The following TRIO variants were observed in gnomAD, a reference collection of about 807,000 sequenced individuals.
TRIO encodes the protein triple functional domain protein.
Under a neutral mutation model 351.9 loss-of-function variants are expected in TRIO, and 58 were observed. The ratio of observed to expected loss-of-function variants is 0.16; its 90% CI spans 0.13 to 0.21. The LOEUF (loss-of-function observed/expected upper bound fraction) is 0.21. Among genes scored for constraint, TRIO ranks in the 10% least tolerant of loss-of-function variants. The pLI, the probability that TRIO is intolerant of heterozygous loss-of-function variation, is 1.00. For synonymous variants in TRIO, 1,758 were observed against 1,595.7 expected, an observed-to-expected ratio of 1.10 and a Z score of -2.42; for missense variants, 3,201 against 4,027.8, an observed-to-expected ratio of 0.79 and a Z score of 5.56.
intron 1 of TRIO, among the ~76,000 whole-genome samples, chr5:14,168,691 T>C (rs1204046389): frequency 1.3e-5 from 2 of 152,254 alleles, no homozygotes; most frequent in African/African-American, 4.8e-5. Context: ...ATTTGACTTC[T>C]TTGACTTGGT....
At chr5:14,173,219 G>A (rs770954827) in intron 1 of TRIO, among the ~76,000 whole-genome samples, 23 of 138,492 alleles carry the variant, frequency 1.7e-4, no homozygotes, top group South Asian at 1.4e-3. Flanking sequence ...TTTTTTTGGC[G>A]GGAGGGAGGA....
chr5:14,494,674 G>A (rs976822062), intron 49 of TRIO, among the ~76,000 whole-genome samples: 1 of 152,202 alleles, frequency 6.6e-6, no homozygotes, highest in Non-Finnish European at 1.5e-5. Flanking sequence ...CAAGGCGGGT[G>A]GATCACCTGA....
intron 11 of TRIO, among the ~76,000 whole-genome samples, chr5:14,339,600 T>C (rs1331855172): frequency 6.6e-6 from 1 of 152,140 alleles, no homozygotes; most frequent in Non-Finnish European, 1.5e-5. Flanking sequence ...TGTGTGCACG[T>C]CACGTAACCT....
chr5:14,430,969 C>T (rs554358255), intron 34 of TRIO, among the ~76,000 whole-genome samples: 1 of 152,340 alleles, frequency 6.6e-6, no homozygotes, highest in South Asian at 2.1e-4. Context: ...TCCTCGACTT[C>T]CCAAAGTGCT....
At chr5:14,192,746 A>G (rs896714278) in intron 1 of TRIO, among the ~76,000 whole-genome samples, 4 of 152,318 alleles carry the variant, frequency 2.6e-5, no homozygotes, top group African/African-American at 7.2e-5. Flanking sequence ...CTGGGTTGCT[A>G]TTGTATTAAA....
chr5:14,332,907 T>C (rs1741036034), intron 10 of TRIO, among the ~76,000 whole-genome samples: 2 of 152,220 alleles, frequency 1.3e-5, no homozygotes, highest in Non-Finnish European at 2.9e-5. Flanking sequence ...TCATTCAGAT[T>C]ATTCAGATCT....
chr5:14,351,682 C>G (rs950291771), intron 11 of TRIO, among the ~76,000 whole-genome samples: 8 of 152,316 alleles, frequency 5.3e-5, no homozygotes, highest in Admixed American at 2.6e-4. Context: ...TAGAGTGCTC[C>G]AAGAATTTCC....
chr5:14,369,660 A>G (rs1463815719), intron 18 of TRIO, 137 bp downstream of exon 18: 11 of 1,117,800 alleles, frequency 9.8e-6, no homozygotes, highest in African/African-American at 1.6e-5. Flanking sequence ...GCAGTGTCGC[A>G]TCAGTGAGAA....
At chr5:14,386,821 A>G (rs192180958) in intron 21 of TRIO, among the ~76,000 whole-genome samples, 24 of 151,970 alleles carry the variant, frequency 1.6e-4, no homozygotes, top group Admixed American at 1.4e-3. Flanking sequence ...TCAAACAGGG[A>G]AACAAAATTT....
chr5:14,226,706 T>C (rs908958875), intron 1 of TRIO, among the ~76,000 whole-genome samples: 6 of 152,270 alleles, frequency 3.9e-5, no homozygotes, highest in African/African-American at 7.2e-5. Context: ...TCTTCACTTA[T>C]GTGACTAACC....
chr5:14,341,923 GT>G, intron 11 of TRIO, among the ~76,000 whole-genome samples: 1 of 152,346 alleles, frequency 6.6e-6, no homozygotes, highest in Non-Finnish European at 1.5e-5. Context: ...ACTGGGACAA[GT>G]TTTTGTTTAG....
intron 1 of TRIO, among the ~76,000 whole-genome samples, chr5:14,182,862 A>ACCC (rs33945464): frequency 3.1e-4 from 19 of 61,692 alleles, no homozygotes; most frequent in East Asian, 1.0e-3. Context: ...TACAGTGGAG[A>ACCC]CCCCCCCCCC....
chr5:14,275,571 A>G (rs538721542), intron 2 of TRIO, among the ~76,000 whole-genome samples: 244 of 114,186 alleles, frequency 2.1e-3, no homozygotes, highest in Non-Finnish European at 4.2e-3. Flanking sequence ...CCCCTATAGG[A>G]AAACTTTTTT....
At chr5:14,251,794 A>C (rs1794761297) in intron 1 of TRIO, among the ~76,000 whole-genome samples, 1 of 152,182 alleles carries the variant, frequency 6.6e-6, no homozygotes, top group African/African-American at 2.4e-5. Context: ...TAACAGATGA[A>C]GCAGGTGTCA....
At chr5:14,486,212 T>C (rs1207244383) in intron 47 of TRIO, among the ~76,000 whole-genome samples, 1 of 152,240 alleles carries the variant, frequency 6.6e-6, no homozygotes, top group East Asian at 1.9e-4. Context: ...CATCTGTGTC[T>C]TCTGGGTTCT....
In TRIO at chr5:14,234,849, T is replaced by A. The variant is rs1369679848; in HGVS notation, c.158-35976T>A. Among the ~76,000 whole-genome samples the A allele has an allele frequency of 2.0e-5, 3 of 152,262 alleles. No individual in the cohort carries two copies. In the South Asian group the frequency reaches 6.2e-4, roughly 32 times the overall value. On this transcript the variant is annotated intron_variant, in intron 1 of 56. Coordinates refer to ENST00000344204, the MANE Select transcript of TRIO (RefSeq NM_007118.4). ...TTCTGAAATGACTTATTTTAAAATT[T>A]TCATCTAATCTACAAAACTAGATTA...
intron 1 of TRIO, among the ~76,000 whole-genome samples, chr5:14,269,067 A>G (rs1795847522): frequency 6.6e-6 from 1 of 152,194 alleles, no homozygotes. Flanking sequence ...TGCATTGGAA[A>G]GGAAAATGGC....
intron 54 of TRIO, 88 bp from the exon 55 acceptor site, chr5:14,504,305 C>A: frequency 6.8e-7 from 1 of 1,465,158 alleles, no homozygotes; most frequent in Non-Finnish European, 9.3e-7. Flanking sequence ...TGGGCCACCA[C>A]ACAGCCAGTC....
chr5:14,482,529 G>A lies in TRIO; in HGVS notation c.6466-53G>A, dbSNP rs1755603786. The A allele has an allele frequency of 4.6e-6, 6 of 1,310,858 alleles. No individual in the cohort carries two copies. The South Asian group carries it at 1.1e-4, about 25-fold the overall frequency. 81.2% of individuals were successfully genotyped at this position (1,310,858 alleles called of 1,614,324 possible). The stretch of plus-strand genomic sequence containing the variant: ...AAAGAAAACAGCTTCAGATAACTTA[G>A]AAGGCAATGTTTTCTTCTCCCCTTC... On this transcript the variant is annotated intron_variant, in intron 45 of 56. Transcript: ENST00000344204.
Sources: gnomAD v4.1 joint callset for allele counts (sites outside exome capture counted in the v4.1 genomes callset) on GRCh38, gnomAD v4.1.1 for gene constraint, MANE v1.5 for transcripts, NCBI Gene and HGNC (gene_info 2026-07-23, HGNC 2026-07-21) for gene names.